ARHGAP15: variants seen among roughly 807,000 people sequenced by gnomAD.
The protein encoded by ARHGAP15 is Rho GTPase activating protein 15, also known as rho GTPase-activating protein 15.
ARHGAP15 carries 51 observed loss-of-function variants against 63.7 expected under a neutral mutation model. The ratio of observed to expected loss-of-function variants is 0.80; its 90% CI spans 0.64 to 1.01. ARHGAP15 has a LOEUF of 1.01. Among genes scored for constraint, ARHGAP15 ranks in the 50% least tolerant of loss-of-function variants. The probability of loss-of-function intolerance (pLI) is 0.00; values close to 1 mark genes in which losing one functional copy is unlikely to be tolerated. For synonymous variants in ARHGAP15, 191 were observed against 193.8 expected (o/e 0.99, Z 0.12); for missense variants, 560 against 564.6 (o/e 0.99, Z 0.08).
rs531272328 is a variant in ARHGAP15 at position 143,520,694 on chromosome 2, C to A, written c.925+1330C>A. On this transcript the variant is annotated intron_variant, in intron 10 of 13. Transcript: ENST00000295095. The stretch of plus-strand genomic sequence containing the variant: ...ATATTCTTTGGTAAGTACTTAAAGA[C>A]AAAATGGATCACTGAGAATATTATA... Among the ~76,000 whole-genome samples the A allele has an allele frequency of 2.4e-4, 36 of 152,194 alleles. No individual in the cohort carries two copies. In the East Asian group the frequency reaches 6.6e-3, roughly 28 times the overall value.
At chr2:143,361,595 T>C (rs1194973112) in intron 6 of ARHGAP15, among the ~76,000 whole-genome samples, 1 of 152,188 alleles carries the variant, frequency 6.6e-6, no homozygotes, top group Non-Finnish European at 1.5e-5. Flanking sequence ...CTCCATTTAT[T>C]GGCTCAAACC....
At chr2:143,380,261 T>C (rs1687005808) in intron 6 of ARHGAP15, among the ~76,000 whole-genome samples, 1 of 152,180 alleles carries the variant, frequency 6.6e-6, no homozygotes. Flanking sequence ...TTTCCATTCC[T>C]GGCTCTGTTA....
chr2:143,336,436 T>C (rs1684778381), intron 6 of ARHGAP15, among the ~76,000 whole-genome samples: 1 of 152,150 alleles, frequency 6.6e-6, no homozygotes, highest in Non-Finnish European at 1.5e-5. Context: ...TTATGTCAAC[T>C]AGCAAAATTG....
intron 2 of ARHGAP15, among the ~76,000 whole-genome samples, chr2:143,182,623 T>C (rs2105072250): frequency 6.6e-6 from 1 of 152,122 alleles, no homozygotes; most frequent in East Asian, 1.9e-4. Flanking sequence ...CCAGCAAATC[T>C]CAGTTTCTAG....
intron 13 of ARHGAP15, among the ~76,000 whole-genome samples, chr2:143,718,089 T>G (rs1008447192): frequency 6.6e-6 from 1 of 152,070 alleles, no homozygotes; most frequent in Non-Finnish European, 1.5e-5. Context: ...AATTTTCATG[T>G]CGTTGGGGTT....
intron 10 of ARHGAP15, among the ~76,000 whole-genome samples, chr2:143,543,757 T>C (rs1175668949): frequency 6.6e-6 from 1 of 152,078 alleles, no homozygotes; most frequent in Non-Finnish European, 1.5e-5. Context: ...GAAAATCTGG[T>C]TTGTATTACA....
chr2:143,546,766 A>G (rs1430010036), intron 10 of ARHGAP15, among the ~76,000 whole-genome samples: 9 of 152,186 alleles, frequency 5.9e-5, no homozygotes, highest in Non-Finnish European at 1.2e-4. Flanking sequence ...TAGAACTACA[A>G]CATAAAAGAA....
intron 6 of ARHGAP15, among the ~76,000 whole-genome samples, chr2:143,349,298 A>G (rs747605865): frequency 2.0e-5 from 3 of 152,224 alleles, no homozygotes; most frequent in Non-Finnish European, 4.4e-5. Flanking sequence ...AAAAAGATCA[A>G]TTCATCAAAG....
chr2:143,652,371 G>A (rs1469087432), intron 12 of ARHGAP15, among the ~76,000 whole-genome samples: 2 of 152,052 alleles, frequency 1.3e-5, no homozygotes, highest in Non-Finnish European at 2.9e-5. Flanking sequence ...CAACAAGCTG[G>A]AAGTATACCG....
chr2:143,456,648 T>G (rs984013918), intron 8 of ARHGAP15, among the ~76,000 whole-genome samples: 1 of 152,054 alleles, frequency 6.6e-6, no homozygotes, highest in Admixed American at 6.6e-5. Flanking sequence ...TTTATATTCA[T>G]TTACAGAGGA....
intron 12 of ARHGAP15, among the ~76,000 whole-genome samples, chr2:143,634,995 A>G (rs1320434601): frequency 6.6e-6 from 1 of 152,028 alleles, no homozygotes; most frequent in African/African-American, 2.4e-5. Flanking sequence ...ACCTTCTCTC[A>G]GTTGGGAAAT....
chr2:143,406,272 T>C (rs1309833910), intron 6 of ARHGAP15, among the ~76,000 whole-genome samples: 1 of 151,994 alleles, frequency 6.6e-6, no homozygotes, highest in Non-Finnish European at 1.5e-5. Flanking sequence ...ATTCTAGTTT[T>C]AAAGTCTTTT....
At chr2:143,218,557 G>T (rs754602799) in intron 4 of ARHGAP15, among the ~76,000 whole-genome samples, 2 of 152,050 alleles carry the variant, frequency 1.3e-5, no homozygotes, top group African/African-American at 2.4e-5. Flanking sequence ...TTGTGTATGT[G>T]TGAATGTGTT....
intron 6 of ARHGAP15, among the ~76,000 whole-genome samples, chr2:143,285,742 CTA>C (rs1682062982): frequency 6.6e-6 from 1 of 151,074 alleles, no homozygotes; most frequent in Admixed American, 6.6e-5. Context: ...CACTGAAAAA[CTA>C]TATTTAGAGT....
rs958473290 is a variant in ARHGAP15, at chr2:143,403,782, G to A, written c.475-31819G>A. ...ATTATTTAAATTTTGTAAAATAATC[G>A]TTCTATAAAATCACTCAATCCCTTT... is the stretch of plus-strand genomic sequence containing the variant. On this transcript the variant is annotated intron_variant, in intron 6 of 13. Coordinates refer to ENST00000295095, the MANE Select transcript of ARHGAP15 (RefSeq NM_018460.4). Among the ~76,000 whole-genome samples the A allele has an allele frequency of 5.3e-5, 8 of 151,610 alleles. No individual in the cohort carries two copies. In the East Asian group the frequency reaches 7.7e-4, roughly 15 times the overall value.
intron 11 of ARHGAP15, among the ~76,000 whole-genome samples, chr2:143,601,821 G>T (rs1399230238): frequency 1.3e-5 from 2 of 152,054 alleles, no homozygotes; most frequent in Non-Finnish European, 2.9e-5. Flanking sequence ...GGAATGATTT[G>T]TTAATTTTAT....
chr2:143,743,659 G>A (rs768340770), intron 13 of ARHGAP15, among the ~76,000 whole-genome samples: 8 of 152,074 alleles, frequency 5.3e-5, no homozygotes, highest in Non-Finnish European at 1.0e-4. Flanking sequence ...CCAATGCCTC[G>A]TTCCCCGTTT....
At chr2:143,330,105 A>AC (rs1684451798) in intron 6 of ARHGAP15, among the ~76,000 whole-genome samples, 5 of 79,668 alleles carry the variant, frequency 6.3e-5, no homozygotes, top group Admixed American at 1.6e-4. Context: ...AAAAAAAAAA[A>AC]AAAAAAAAAA....
At chr2:143,308,062 CTG>C (rs1032845546) in intron 6 of ARHGAP15, among the ~76,000 whole-genome samples, 4 of 152,098 alleles carry the variant, frequency 2.6e-5, no homozygotes, top group African/African-American at 9.7e-5. Flanking sequence ...AAACTTTTAA[CTG>C]TGAGCAATTT....
Sources: gnomAD v4.1 joint callset for allele counts (sites outside exome capture counted in the v4.1 genomes callset) on GRCh38, gnomAD v4.1.1 for gene constraint, MANE v1.5 for transcripts, NCBI Gene and HGNC (gene_info 2026-07-23, HGNC 2026-07-21) for gene names.